Variants in ELMO1 observed in about 807,000 individuals in gnomAD.
ELMO1 encodes engulfment and cell motility protein 1.
In ELMO1, 26 loss-of-function variants were observed where a neutral mutation model predicts 98.9. That is an observed-to-expected ratio of 0.26 (90% CI 0.19 to 0.36). ELMO1 has a LOEUF of 0.36. Among genes scored for constraint, ELMO1 ranks in the 10% least tolerant of loss-of-function variants. The pLI is 1.00. For synonymous variants in ELMO1, 346 were observed against 346.0 expected (o/e 1.00, Z 0.00); for missense variants, 627 against 935.2 (o/e 0.67, Z 4.30).
chr7:37,106,843 C>A (rs777297311), intron 14 of ELMO1, among the ~76,000 whole-genome samples: 15 of 152,104 alleles, frequency 9.9e-5, no homozygotes, highest in Admixed American at 2.0e-4. Flanking sequence ...TATACAATCC[C>A]AGTACTTCTC....
At chr7:37,285,128 C>T (rs1275711276) in intron 4 of ELMO1, among the ~76,000 whole-genome samples, 1 of 152,214 alleles carries the variant, frequency 6.6e-6, no homozygotes, top group African/African-American at 2.4e-5. Context: ...TTCTGCATCA[C>T]CCGTGGGTGG....
chr7:37,296,608 G>A (rs150202379), intron 4 of ELMO1, among the ~76,000 whole-genome samples: 1 of 152,112 alleles, frequency 6.6e-6, no homozygotes, highest in East Asian at 1.9e-4. Flanking sequence ...GGATTAGATG[G>A]GTGTGTAACA....
At chr7:37,020,794 G>A (rs77073901) in intron 15 of ELMO1, among the ~76,000 whole-genome samples, 2,304 of 152,212 alleles carry the variant, frequency 0.015, 44 homozygotes, top group East Asian at 0.084. Context: ...AAAAACACAC[G>A]CACTGGCCTA....
chr7:37,371,249 A>C (rs1016254867), intron 1 of ELMO1, among the ~76,000 whole-genome samples: 4 of 152,236 alleles, frequency 2.6e-5, no homozygotes, highest in African/African-American at 9.6e-5. Flanking sequence ...GAGATTACTA[A>C]TAAAATATTC....
At chr7:37,317,228 C>T (rs68101314) in intron 2 of ELMO1, among the ~76,000 whole-genome samples, 31,919 of 152,038 alleles carry the variant, frequency 0.21, 4,064 homozygotes, top group African/African-American at 0.34. Context: ...CCAAGGGCCT[C>T]CCTAACCCCT....
At chr7:37,280,976 TAAAG>T (rs1454639663) in intron 4 of ELMO1, among the ~76,000 whole-genome samples, 1 of 149,466 alleles carries the variant, frequency 6.7e-6, no homozygotes, top group Non-Finnish European at 1.5e-5. Context: ...AACGAATGGA[TAAAG>T]AAACTGTGGT....
intron 13 of ELMO1, among the ~76,000 whole-genome samples, chr7:37,148,829 CT>C (rs1788167965): frequency 6.6e-6 from 1 of 152,188 alleles, no homozygotes; most frequent in Non-Finnish European, 1.5e-5. Context: ...TTATGACCCC[CT>C]TTCTCCCACC....
At chr7:36,976,379 T>G (rs1361373212) in intron 16 of ELMO1, among the ~76,000 whole-genome samples, 1 of 152,238 alleles carries the variant, frequency 6.6e-6, no homozygotes, top group East Asian at 1.9e-4. Flanking sequence ...CACTGAAATC[T>G]AACTTAAAAA....
intron 15 of ELMO1, among the ~76,000 whole-genome samples, chr7:37,085,723 T>C (rs1397310003): frequency 6.6e-6 from 1 of 152,202 alleles, no homozygotes; most frequent in East Asian, 1.9e-4. Flanking sequence ...AAGATGGTTT[T>C]TGCACTTTAC....
intron 18 of ELMO1, among the ~76,000 whole-genome samples, chr7:36,880,289 G>A (rs1804345786): frequency 6.6e-6 from 1 of 152,092 alleles, no homozygotes; most frequent in Non-Finnish European, 1.5e-5. Context: ...CTCAAGCTGG[G>A]GTAAGTAAAC....
intron 2 of ELMO1, among the ~76,000 whole-genome samples, chr7:37,340,192 A>G (rs1014177554): frequency 2.6e-5 from 4 of 152,334 alleles, no homozygotes; most frequent in African/African-American, 9.6e-5. Context: ...TGACGATAGC[A>G]TTATACCAGT....
At chr7:36,953,949 C>T (rs1788227160) in intron 16 of ELMO1, among the ~76,000 whole-genome samples, 1 of 150,328 alleles carries the variant, frequency 6.7e-6, no homozygotes, top group South Asian at 2.1e-4. Context: ...TGTTTCAATA[C>T]AAAATTACTA....
At chr7:36,997,765 G>A (rs1467036097) in intron 16 of ELMO1, 1 of 152,462 alleles carries the variant, frequency 6.6e-6, no homozygotes, top group African/African-American at 2.4e-5. Context: ...AAAAGAGGAG[G>A]GCCTCAGGGA....
intron 16 of ELMO1, among the ~76,000 whole-genome samples, chr7:36,899,154 T>A (rs999260166): frequency 6.6e-6 from 1 of 152,150 alleles, no homozygotes; most frequent in Non-Finnish European, 1.5e-5. Flanking sequence ...CAAGGTGTGG[T>A]TGAAAGGCAA....
chr7:37,164,926 G>A (rs985834418), intron 13 of ELMO1, among the ~76,000 whole-genome samples: 2 of 151,536 alleles, frequency 1.3e-5, no homozygotes, highest in African/African-American at 2.4e-5. Context: ...AATTACCTTG[G>A]GCAGTATGGC....
intron 16 of ELMO1, among the ~76,000 whole-genome samples, chr7:36,919,138 T>C (rs1324643787): frequency 6.6e-6 from 1 of 152,202 alleles, no homozygotes; most frequent in African/African-American, 2.4e-5. Flanking sequence ...CAGCTCAATA[T>C]TCAAGCAAGT....
At chr7:37,223,194 T>G (rs1793692578) in intron 9 of ELMO1, among the ~76,000 whole-genome samples, 1 of 152,218 alleles carries the variant, frequency 6.6e-6, no homozygotes, top group Admixed American at 6.5e-5. Flanking sequence ...AAAGAACAGG[T>G]GTTTGTTTAT....
chr7:37,427,095 C>T (rs1292732057), intron 1 of ELMO1, among the ~76,000 whole-genome samples: 1 of 152,090 alleles, frequency 6.6e-6, no homozygotes, highest in Non-Finnish European at 1.5e-5. Flanking sequence ...GTAGTTCAGA[C>T]CACAAGGGGG....
chr7:36,883,841 C>T (rs1804687549), intron 18 of ELMO1, among the ~76,000 whole-genome samples: 1 of 152,166 alleles, frequency 6.6e-6, no homozygotes, highest in Non-Finnish European at 1.5e-5. Context: ...CTAACACAGA[C>T]ATCTTCTGGG....
Sources: allele counts gnomAD v4.1 joint callset (sites outside exome capture counted in the v4.1 genomes callset), GRCh38; gene constraint gnomAD v4.1.1; transcripts MANE v1.5; gene names NCBI Gene and HGNC (gene_info 2026-07-23, HGNC 2026-07-21).